Variants in CNTN3 observed in about 807,000 individuals in gnomAD.
CNTN3 encodes the protein contactin 3, also known as contactin-3.
In CNTN3, 60 loss-of-function variants were observed where a neutral mutation model predicts 119.1. That is an observed-to-expected ratio of 0.50 (90% CI 0.41 to 0.62). CNTN3 has a LOEUF of 0.62. Among genes scored for constraint, CNTN3 ranks in the 20% least tolerant of loss-of-function variants. The pLI is 0.00. For missense variants in CNTN3, 1,101 were observed against 1,242.4 expected, an observed-to-expected ratio of 0.89 and a Z score of 1.71; for synonymous variants, 450 against 438.7, an observed-to-expected ratio of 1.03 and a Z score of -0.32.
At chr3:74,444,072 T>G (rs1702009130) in intron 4 of CNTN3, among the ~76,000 whole-genome samples, 2 of 152,146 alleles carry the variant, frequency 1.3e-5, no homozygotes. Flanking sequence ...GATGCATCAC[T>G]ATAATCTCCG....
chr3:74,411,170 C>T (rs908220082), intron 5 of CNTN3, among the ~76,000 whole-genome samples: 61 of 151,488 alleles, frequency 4.0e-4, no homozygotes, highest in Admixed American at 1.1e-3. Flanking sequence ...GCCCAGTGTC[C>T]TATCTTTAAA....
intron 4 of CNTN3, among the ~76,000 whole-genome samples, chr3:74,425,736 C>T (rs1701685586): frequency 6.6e-6 from 1 of 151,942 alleles, no homozygotes; most frequent in African/African-American, 2.4e-5. Flanking sequence ...TTTATCATAG[C>T]CTAAATAGAT....
chr3:74,384,837 T>C (rs1704708413), intron 5 of CNTN3, among the ~76,000 whole-genome samples: 1 of 152,230 alleles, frequency 6.6e-6, no homozygotes, highest in Non-Finnish European at 1.5e-5. Flanking sequence ...CTCTGGGAAT[T>C]ACTGAACTGC....
chr3:74,358,075 C>T (rs959313494), intron 11 of CNTN3, among the ~76,000 whole-genome samples: 1 of 152,122 alleles, frequency 6.6e-6, no homozygotes. Flanking sequence ...GGTTCAAGTC[C>T]GCAACTTGTT....
chr3:74,561,568 G>C (rs965117696), intron 1 of CNTN3, among the ~76,000 whole-genome samples: 11 of 152,128 alleles, frequency 7.2e-5, no homozygotes, highest in African/African-American at 2.7e-4. Context: ...TTCTTCTCAT[G>C]TTTCTGGTCT....
chr3:74,347,627 AT>A (rs1193608867), intron 11 of CNTN3, among the ~76,000 whole-genome samples: 2 of 152,078 alleles, frequency 1.3e-5, no homozygotes, highest in South Asian at 2.1e-4. Flanking sequence ...ACTTATTTAT[AT>A]TTTTTCTGTT....
intron 1 of CNTN3, among the ~76,000 whole-genome samples, chr3:74,562,022 C>T (rs1467227903): frequency 3.9e-5 from 6 of 152,182 alleles, no homozygotes; most frequent in Middle Eastern, 3.4e-3. Flanking sequence ...ACAGGAGGTA[C>T]GAAGTATGCT....
intron 11 of CNTN3, among the ~76,000 whole-genome samples, chr3:74,353,921 T>C (rs1258509525): frequency 2.6e-5 from 4 of 151,936 alleles, no homozygotes; most frequent in Non-Finnish European, 5.9e-5. Context: ...ACCCCAAAAA[T>C]CCTTCTGTGT....
At chr3:74,422,833 C>T (rs1160152309) in intron 5 of CNTN3, among the ~76,000 whole-genome samples, 1 of 152,074 alleles carries the variant, frequency 6.6e-6, no homozygotes, top group African/African-American at 2.4e-5. Context: ...AATATATCTC[C>T]CTCTTTTTAC....
At chr3:74,583,093 T>A (rs1381746008) in intron 1 of CNTN3, among the ~76,000 whole-genome samples, 1 of 151,978 alleles carries the variant, frequency 6.6e-6, no homozygotes, top group Non-Finnish European at 1.5e-5. Flanking sequence ...TTCGAGTAAT[T>A]CTAACAGGCT....
intron 5 of CNTN3, among the ~76,000 whole-genome samples, chr3:74,376,658 T>A (rs576953693): frequency 2.3e-4 from 35 of 152,166 alleles, no homozygotes; most frequent in Admixed American, 2.1e-3. Context: ...CATAGATAAA[T>A]GTAATGTGCT....
Position 74,450,012 on chromosome 3 carries a change from A to G in CNTN3, c.359-25072T>C, listed in dbSNP as rs1702118869. ...TGTAGTTACATAATCATTTAATAGC[A>G]AGATAATGAATCAAACTGAGCCTAT... On this transcript the variant is annotated intron_variant, in intron 4 of 22. Transcript: ENST00000263665. 1.1e-4 allele frequency among the ~76,000 whole-genome samples: 17 copies of G among 152,148 alleles called. 1 individual carries two copies. In the South Asian group the frequency reaches 3.5e-3, roughly 31 times the overall value.
intron 4 of CNTN3, among the ~76,000 whole-genome samples, chr3:74,448,650 T>C (rs1026924022): frequency 6.6e-6 from 1 of 152,136 alleles, no homozygotes. Context: ...ATTTATTGGG[T>C]TGTGAAGATA....
At chr3:74,283,965 A>G (rs1702062697) in intron 20 of CNTN3, among the ~76,000 whole-genome samples, 1 of 152,148 alleles carries the variant, frequency 6.6e-6, no homozygotes, top group African/African-American at 2.4e-5. Flanking sequence ...GGGTCTTGCT[A>G]TAGAAATTCA....
chr3:74,529,432 T>C (rs892875309), intron 1 of CNTN3, among the ~76,000 whole-genome samples: 1 of 151,936 alleles, frequency 6.6e-6, no homozygotes, highest in African/African-American at 2.4e-5. Context: ...AATTTTGTTT[T>C]AGCTTGACAT....
chr3:74,609,080 T>C (rs373923892), intron 1 of CNTN3, among the ~76,000 whole-genome samples: 2 of 152,132 alleles, frequency 1.3e-5, no homozygotes, highest in East Asian at 1.9e-4. Flanking sequence ...GGAGTGGAAG[T>C]CATGGGTGTT....
chr3:74,288,599 T>TA (rs1030411150), intron 19 of CNTN3, among the ~76,000 whole-genome samples: 4 of 151,966 alleles, frequency 2.6e-5, no homozygotes, highest in African/African-American at 4.8e-5. Flanking sequence ...CTGCCAAACT[T>TA]AAAAAAAAGA....
chr3:74,575,559 A>C (rs986820753), intron 1 of CNTN3, among the ~76,000 whole-genome samples: 1 of 146,728 alleles, frequency 6.8e-6, no homozygotes, highest in Non-Finnish European at 1.5e-5. Context: ...TGATTAGATA[A>C]TTTTTGAGAT....
intron 11 of CNTN3, among the ~76,000 whole-genome samples, chr3:74,346,153 C>T (rs913722222): frequency 1.3e-5 from 2 of 151,744 alleles, no homozygotes; most frequent in Non-Finnish European, 2.9e-5. Flanking sequence ...GAAATAAATA[C>T]AATAAAGTAT....
Sources: allele counts gnomAD v4.1 joint callset (sites outside exome capture counted in the v4.1 genomes callset), GRCh38; gene constraint gnomAD v4.1.1; transcripts MANE v1.5; gene names NCBI Gene and HGNC (gene_info 2026-07-23, HGNC 2026-07-21).